Variants in GRB14 observed in about 807,000 individuals in gnomAD.
The protein encoded by GRB14 is growth factor receptor bound protein 14.
Under a neutral mutation model 69.1 loss-of-function variants are expected in GRB14, and 38 were observed. The ratio of observed to expected loss-of-function variants is 0.55; its 90% CI spans 0.42 to 0.72. GRB14 has a LOEUF of 0.72. Among genes scored for constraint, GRB14 ranks in the 30% least tolerant of loss-of-function variants. The pLI, the probability that GRB14 is intolerant of heterozygous loss-of-function variation, is 0.00. For missense variants in GRB14, 666 were observed against 666.1 expected (o/e 1.00, Z 0.00); for synonymous variants, 247 against 241.3 (o/e 1.02, Z -0.22).
chr2:164,508,830 A>G lies in GRB14; in HGVS notation c.839T>C (p.Phe280Ser), dbSNP rs568671902. ...AATATCACTATTGCCAAATTCGCTGAAAAACTGCAAATGCCGCGGTTCCTT... is the reference window on the plus strand; with the variant it reads ...AATATCACTATTGCCAAATTCGCTGGAAAACTGCAAATGCCGCGGTTCCTT... The part of the protein sequence containing the change: ...TSKEPRHLQF[F>S]SEFGNSDIYV... Residue 280 changes from phenylalanine (F) to serine (S), a missense_variant, in exon 7 of 14, where the codon TTC (phenylalanine) becomes TCC (serine). By Grantham distance (155) the Phe-to-Ser change is radical (BLOSUM62 -2). Transcript: ENST00000263915. 1.3e-6 allele frequency: 2 copies of G among 1,580,422 alleles called. No homozygotes were observed. Among genetic ancestry groups the G allele is most frequent in the South Asian group, 2.4e-5 (2 of 83,676 alleles).
intron 2 of GRB14, among the ~76,000 whole-genome samples, chr2:164,606,821 C>T (rs1319990258): frequency 1.3e-5 from 2 of 152,116 alleles, no homozygotes; most frequent in African/African-American, 4.8e-5. Flanking sequence ...TTAAATAATA[C>T]CAAAGTAGCC....
At chr2:164,589,305 T>C (rs1264903648) in intron 2 of GRB14, among the ~76,000 whole-genome samples, 1 of 152,194 alleles carries the variant, frequency 6.6e-6, no homozygotes, top group Non-Finnish European at 1.5e-5. Flanking sequence ...TACTTTGCAG[T>C]TTCACAGGCA....
intron 2 of GRB14, among the ~76,000 whole-genome samples, chr2:164,597,626 G>A (rs1206757652): frequency 3.3e-5 from 5 of 152,002 alleles, no homozygotes; most frequent in African/African-American, 9.7e-5. Flanking sequence ...TAAGACAATG[G>A]GTAGAGAAGA....
In GRB14 at chr2:164,588,325, T is replaced by C. The variant is rs533656148; in HGVS notation, c.324+31362A>G. 3.3e-5 allele frequency among the ~76,000 whole-genome samples: 5 copies of C among 152,306 alleles called. No homozygotes were observed. The South Asian group carries it at 6.2e-4, about 19-fold the overall frequency. ...TCATCTTAACAGCAGCAGCCTTATG[T>C]TCTCTCATTAGACTCTCCTGAGCAG... On this transcript the variant is annotated intron_variant, in intron 2 of 13. Coordinates refer to ENST00000263915, the MANE Select transcript of GRB14 (RefSeq NM_004490.3).
At chr2:164,589,456 A>G (rs1220562430) in intron 2 of GRB14, among the ~76,000 whole-genome samples, 1 of 152,148 alleles carries the variant, frequency 6.6e-6, no homozygotes, top group Non-Finnish European at 1.5e-5. Context: ...AAGATTAGGC[A>G]TCTGGTGAAA....
At chr2:164,500,477 G>T (rs996482978) in intron 9 of GRB14, among the ~76,000 whole-genome samples, 1 of 151,996 alleles carries the variant, frequency 6.6e-6, no homozygotes, top group Non-Finnish European at 1.5e-5. Context: ...AATAGTCCCC[G>T]GATGAAAAGC....
chr2:164,549,184 G>A (rs935047923), intron 2 of GRB14, among the ~76,000 whole-genome samples: 12 of 151,928 alleles, frequency 7.9e-5, no homozygotes, highest in Admixed American at 4.6e-4. Flanking sequence ...CCAGTCCTTC[G>A]CTCATTTTTA....
chr2:164,536,994 C>G (rs143317262), intron 3 of GRB14, among the ~76,000 whole-genome samples: 1 of 152,098 alleles, frequency 6.6e-6, no homozygotes, highest in Non-Finnish European at 1.5e-5. Flanking sequence ...TGAGTACGGA[C>G]GGTGGCAGCA....
chr2:164,535,951 A>G (rs1688070396), intron 3 of GRB14, among the ~76,000 whole-genome samples: 1 of 152,200 alleles, frequency 6.6e-6, no homozygotes, highest in African/African-American at 2.4e-5. Flanking sequence ...ATTTTTCCAC[A>G]AAAATGCCTG....
intron 3 of GRB14, among the ~76,000 whole-genome samples, chr2:164,530,645 C>T (rs992146701): frequency 2.6e-5 from 4 of 151,932 alleles, no homozygotes; most frequent in Middle Eastern, 3.4e-3. Flanking sequence ...AAAAAAAAAC[C>T]CTTGAGGTGA....
chr2:164,540,695 C>T (rs1688211942), intron 3 of GRB14, among the ~76,000 whole-genome samples: 1 of 152,168 alleles, frequency 6.6e-6, no homozygotes, highest in African/African-American at 2.4e-5. Flanking sequence ...CTCCCCAGAG[C>T]TTATCATCCT....
At chr2:164,543,447 G>A (rs1688289707) in intron 3 of GRB14, among the ~76,000 whole-genome samples, 1 of 152,078 alleles carries the variant, frequency 6.6e-6, no homozygotes, top group South Asian at 2.1e-4. Flanking sequence ...TTCAATAAGG[G>A]CATTATCCTA....
chr2:164,512,090 G>A (rs1458558774), intron 6 of GRB14, among the ~76,000 whole-genome samples: 1 of 152,136 alleles, frequency 6.6e-6, no homozygotes, highest in Non-Finnish European at 1.5e-5. Context: ...TGCGTCTCAT[G>A]GTTTGAGTGC....
At chr2:164,573,873 G>A in intron 2 of GRB14, 1 of 1,612,960 alleles carries the variant, frequency 6.2e-7, no homozygotes, top group Non-Finnish European at 8.5e-7. Context: ...AGAAATGCAA[G>A]ACTGGATGCC....
chr2:164,587,349 T>G (rs1342553693), intron 2 of GRB14, among the ~76,000 whole-genome samples: 1 of 152,164 alleles, frequency 6.6e-6, no homozygotes, highest in Non-Finnish European at 1.5e-5. Context: ...GTAATCAACA[T>G]CCTTTATGTC....
chr2:164,601,724 T>C (rs1689918440), intron 2 of GRB14, among the ~76,000 whole-genome samples: 1 of 152,132 alleles, frequency 6.6e-6, no homozygotes, highest in Non-Finnish European at 1.5e-5. Flanking sequence ...ATCATTAATA[T>C]AAAGGTACGA....
chr2:164,546,224 T>C (rs967261204), intron 3 of GRB14, among the ~76,000 whole-genome samples: 2 of 152,186 alleles, frequency 1.3e-5, no homozygotes, highest in African/African-American at 4.8e-5. Context: ...TATAAAAATT[T>C]CTAGGCTTGT....
chr2:164,571,377 A>C (rs762553054), intron 2 of GRB14, among the ~76,000 whole-genome samples: 1 of 152,038 alleles, frequency 6.6e-6, no homozygotes, highest in African/African-American at 2.4e-5. Context: ...CTAACAAAAC[A>C]CTCCTTAAAC....
At chr2:164,598,094 C>T (rs1558877043) in intron 2 of GRB14, among the ~76,000 whole-genome samples, 1 of 152,066 alleles carries the variant, frequency 6.6e-6, no homozygotes, top group East Asian at 1.9e-4. Context: ...CCTAAGAAGA[C>T]ATCTTCTGCA....
Sources: gnomAD v4.1 joint callset for allele counts (sites outside exome capture counted in the v4.1 genomes callset) on GRCh38, gnomAD v4.1.1 for gene constraint, MANE v1.5 for transcripts, NCBI Gene and HGNC (gene_info 2026-07-23, HGNC 2026-07-21) for gene names.